Variants in APBB2 observed in about 807,000 individuals in gnomAD.
APBB2 encodes Fe65-like 1.
APBB2 carries 38 observed loss-of-function variants against 82.5 expected under a neutral mutation model. That is an observed-to-expected ratio of 0.46 (90% CI 0.36 to 0.60). APBB2 has a LOEUF of 0.60. APBB2 is among the 20% of genes least tolerant of loss of function. The probability of loss-of-function intolerance (pLI) is 0.00; values close to 1 mark genes in which losing one functional copy is unlikely to be tolerated. For missense variants in APBB2, 772 were observed against 972.3 expected, an observed-to-expected ratio of 0.79 and a Z score of 2.74; for synonymous variants, 341 against 368.2, an observed-to-expected ratio of 0.93 and a Z score of 0.85.
intron 6 of APBB2, among the ~76,000 whole-genome samples, chr4:41,006,050 G>A (rs1005992015): frequency 6.6e-6 from 1 of 152,052 alleles, no homozygotes; most frequent in Non-Finnish European, 1.5e-5. Flanking sequence ...TCACCTTTCC[G>A]TCCCCTGAAG....
chr4:41,049,421 G>T (rs1376511766), intron 4 of APBB2, among the ~76,000 whole-genome samples: 5 of 150,058 alleles, frequency 3.3e-5, no homozygotes, highest in Non-Finnish European at 7.4e-5. Context: ...AGGAGATGGG[G>T]GACAGCCCCG....
chr4:40,876,816 G>A (rs1004035292), intron 12 of APBB2, among the ~76,000 whole-genome samples: 3 of 152,180 alleles, frequency 2.0e-5, no homozygotes, highest in African/African-American at 7.2e-5. Context: ...ATAGAGGGCC[G>A]ACTGTATCAA....
chr4:41,146,901 C>A (rs946712788), intron 1 of APBB2, among the ~76,000 whole-genome samples: 2 of 152,166 alleles, frequency 1.3e-5, no homozygotes, highest in Non-Finnish European at 2.9e-5. Context: ...TCTGGCTTTG[C>A]GAGAGCCCGA....
rs1268666639 is a variant in APBB2, at chr4:40,832,745, G to A, written c.1530-2168C>T. Among the ~76,000 whole-genome samples the A allele has an allele frequency of 6.6e-6, 1 of 152,238 alleles. No individual in the cohort carries two copies. The highest frequency in any genetic ancestry group is 1.5e-5 in the Non-Finnish European group (1 of 68,044). On this transcript the variant is annotated intron_variant, in intron 12 of 17. Coordinates refer to ENST00000508593, the MANE Select transcript of APBB2 (RefSeq NM_004307.2). The surrounding 1 kb of genome is among the most constrained non-coding windows in gnomAD (Gnocchi z 4.8). ...GTACATACACGGGGGCACAGCAAGT[G>A]TCTGAGTGTGTCTTCCCCTCAACAC...
At position 41,013,780 on chromosome 4, in the gene APBB2, C is replaced by T. The variant is rs766502178; in HGVS notation, c.638G>A (p.Arg213Lys). 1 of 1,614,010 alleles carries T rather than the reference C, an allele frequency of 6.2e-7. No homozygotes were observed. Among genetic ancestry groups the T allele is most frequent in the East Asian group, 2.2e-5 (1 of 44,892 alleles). Residue 213 changes from arginine (R) to lysine (K), a missense_variant, in exon 6 of 18, where the codon AGA becomes AAA. By Grantham distance (26) the Arg-to-Lys change is conservative (BLOSUM62 2). Coordinates refer to ENST00000508593, the MANE Select transcript of APBB2 (RefSeq NM_004307.2). ...GCCGTCTTCAGGGCTGGACTGGGGT[C>T]TGTTTGGTTTCTGCAGCAGCAAATC... ...NGDLLLQKPN[R>K]PQSSPEDGQV...
At chr4:41,026,882 G>A (rs1714487788) in intron 5 of APBB2, among the ~76,000 whole-genome samples, 1 of 152,022 alleles carries the variant, frequency 6.6e-6, no homozygotes, top group Admixed American at 6.6e-5. Flanking sequence ...GGTCTTAAAA[G>A]AAATTTATAT....
chr4:41,143,891 C>G (rs1471973841), intron 1 of APBB2, among the ~76,000 whole-genome samples: 4 of 152,222 alleles, frequency 2.6e-5, no homozygotes, highest in Non-Finnish European at 5.9e-5. Flanking sequence ...AACTATCCTG[C>G]TGCCAAACAT....
chr4:40,902,883 G>A (rs1474227654), intron 10 of APBB2, among the ~76,000 whole-genome samples: 3 of 151,804 alleles, frequency 2.0e-5, no homozygotes, highest in East Asian at 3.9e-4. Flanking sequence ...GCTCATGCCT[G>A]TAATCCCAAC....
intron 1 of APBB2, among the ~76,000 whole-genome samples, chr4:41,187,401 A>G (rs1773190885): frequency 6.6e-6 from 1 of 152,230 alleles, no homozygotes; most frequent in South Asian, 2.1e-4. Flanking sequence ...AGTTGTACCA[A>G]TAGGCTAATA....
At chr4:40,936,447 G>A (rs1305681743) in intron 7 of APBB2, among the ~76,000 whole-genome samples, 1 of 152,058 alleles carries the variant, frequency 6.6e-6, no homozygotes, top group Non-Finnish European at 1.5e-5. Flanking sequence ...GTTGAGATGG[G>A]GGTTCCATTA....
chr4:41,175,964 A>G (rs1347205404), intron 1 of APBB2, among the ~76,000 whole-genome samples: 2 of 152,176 alleles, frequency 1.3e-5, no homozygotes, highest in African/African-American at 4.8e-5. Context: ...CATGGAAGCC[A>G]CTTATCAGGA....
At chr4:41,137,053 A>C (rs1757769312) in intron 2 of APBB2, among the ~76,000 whole-genome samples, 1 of 152,266 alleles carries the variant, frequency 6.6e-6, no homozygotes, top group African/African-American at 2.4e-5. Flanking sequence ...AGATAAAAAC[A>C]GAATAGGTAA....
intron 5 of APBB2, among the ~76,000 whole-genome samples, chr4:41,030,012 C>A (rs6853006): frequency 6.6e-6 from 1 of 151,806 alleles, no homozygotes; most frequent in African/African-American, 2.4e-5. Flanking sequence ...AAAAATTAGC[C>A]GGGCATGGTG....
In APBB2 at chr4:40,865,504, G is replaced by A. The variant is rs143431134; in HGVS notation, c.1529+24860C>T. ...CCAGTCCACCAATGATCTGATTTCT[G>A]TCCCTGCAGTTTTGCCTTTTCCAAA... On this transcript the variant is annotated intron_variant, in intron 12 of 17. Transcript: ENST00000508593. Among the ~76,000 whole-genome samples the A allele has an allele frequency of 3.9e-3, 598 of 152,338 alleles. 6 individuals carry two copies. The highest frequency in any genetic ancestry group is 0.014 in the African/African-American group (574 of 41,570).
intron 3 of APBB2, among the ~76,000 whole-genome samples, chr4:41,072,796 C>T (rs1004562907): frequency 7.9e-5 from 12 of 152,152 alleles, no homozygotes; most frequent in African/African-American, 2.9e-4. Flanking sequence ...AAACCAATTG[C>T]CCTGATGTGA....
rs80312170 is a variant in APBB2 at position 40,829,451 on chromosome 4, A to T, written c.1644+1012T>A. Among the ~76,000 whole-genome samples the T allele has an allele frequency of 1.4e-3, 214 of 152,272 alleles. 2 individuals are homozygous for T. In the East Asian group the frequency reaches 0.02, roughly 14 times the overall value. On this transcript the variant is annotated intron_variant, in intron 13 of 17. Coordinates refer to ENST00000508593, the MANE Select transcript of APBB2 (RefSeq NM_004307.2). Reference sequence around the variant, plus strand: ...TTGTCCAGCGCCTCTAAAACACATAACACATGGTGAAACACAGCAAGGCTT... The same window carrying T: ...TTGTCCAGCGCCTCTAAAACACATATCACATGGTGAAACACAGCAAGGCTT...
chr4:40,966,303 C>A (rs182605801), intron 6 of APBB2, among the ~76,000 whole-genome samples: 1 of 152,300 alleles, frequency 6.6e-6, no homozygotes, highest in Admixed American at 6.5e-5. Context: ...ATGACAAGAT[C>A]CTTGCATTTT....
At chr4:41,027,335 A>T (rs1714721260) in intron 5 of APBB2, among the ~76,000 whole-genome samples, 1 of 143,538 alleles carries the variant, frequency 7.0e-6, no homozygotes, top group African/African-American at 2.7e-5. Flanking sequence ...ACACACACAC[A>T]TTTTTATATT....
At chr4:41,104,604 A>G (rs537796175) in intron 2 of APBB2, among the ~76,000 whole-genome samples, 1 of 152,262 alleles carries the variant, frequency 6.6e-6, no homozygotes, top group East Asian at 1.9e-4. Context: ...CATAATACCC[A>G]ATAGGTAGTT....
Sources: gnomAD v4.1 joint callset for allele counts (sites outside exome capture counted in the v4.1 genomes callset) on GRCh38, gnomAD v4.1.1 for gene constraint, Gnocchi (gnomAD v3.1) non-coding constraint, MANE v1.5 for transcripts, NCBI Gene and HGNC (gene_info 2026-07-23, HGNC 2026-07-21) for gene names.